The following LGR5 variants were observed in gnomAD, a reference collection of about 807,000 sequenced individuals.
LGR5 encodes the protein leucine-rich repeat-containing G protein-coupled receptor 5.
A neutral mutation model predicts 76.7 loss-of-function variants in LGR5; 54 were observed. The ratio of observed to expected loss-of-function variants is 0.70; its 90% CI spans 0.57 to 0.88. The LOEUF (loss-of-function observed/expected upper bound fraction) is 0.88. Among genes scored for constraint, LGR5 ranks in the 40% least tolerant of loss-of-function variants. The pLI is 0.00. For missense variants in LGR5, 1,078 were observed against 1,073.3 expected, an observed-to-expected ratio of 1.00 and a Z score of -0.06; for synonymous variants, 406 against 421.9, an observed-to-expected ratio of 0.96 and a Z score of 0.46.
chr12:71,450,639 T>C (rs982136857), intron 1 of LGR5, among the ~76,000 whole-genome samples: 4 of 152,164 alleles, frequency 2.6e-5, no homozygotes, highest in Non-Finnish European at 4.4e-5. Context: ...ATGTGATTAT[T>C]GTAATTAAAA....
chr12:71,507,346 G>A (rs1010297550), intron 2 of LGR5, among the ~76,000 whole-genome samples: 3 of 152,060 alleles, frequency 2.0e-5, no homozygotes, highest in Non-Finnish European at 4.4e-5. Context: ...CTAGCACTGT[G>A]ATTTCACAGT....
intron 13 of LGR5, among the ~76,000 whole-genome samples, chr12:71,574,301 CAAA>C (rs1726461): frequency 2.0e-5 from 1 of 50,232 alleles, no homozygotes; most frequent in Non-Finnish European, 3.3e-5. Context: ...GACTCTGTCT[CAAA>C]AAAAAAAAAA....
Position 71,556,643 on chromosome 12 carries a change from C to T in LGR5, c.669C>T (p.His223=), listed in dbSNP as rs1464617688. 1.2e-6 allele frequency: 2 copies of T among 1,612,172 alleles called. No individual in the cohort carries two copies. The highest frequency in any genetic ancestry group is 1.7e-6 in the Non-Finnish European group (2 of 1,178,342). Reference sequence around the variant, plus strand: ...GACATCTCCATAACAATAGAATCCACTCCCTGGGAAAGAAATGCTTTGATG... The same window carrying T: ...GACATCTCCATAACAATAGAATCCATTCCCTGGGAAAGAAATGCTTTGATG... ...VVLHLHNNRI[H]SLGKKCFDGL... Residue 223 remains histidine, a synonymous_variant, in exon 6 of 18, where the codon CAC becomes CAT. Transcript: ENST00000266674.
intron 13 of LGR5, among the ~76,000 whole-genome samples, chr12:71,575,768 A>C (rs958685125): frequency 6.7e-6 from 1 of 149,620 alleles, no homozygotes; most frequent in African/African-American, 2.5e-5. Context: ...GTATCATTCT[A>C]TTATAAAGAT....
intron 2 of LGR5, 37 bp from the exon 3 acceptor site, chr12:71,524,369 T>TA (rs1261467054): frequency 6.9e-7 from 1 of 1,443,156 alleles, no homozygotes; most frequent in Admixed American, 1.7e-5. Context: ...CATGAAGAGG[T>TA]ATGCTCACTC....
At chr12:71,487,435 G>T (rs959050412) in intron 1 of LGR5, among the ~76,000 whole-genome samples, 1 of 152,136 alleles carries the variant, frequency 6.6e-6, no homozygotes, top group African/African-American at 2.4e-5. Context: ...TTTGTTTAGA[G>T]ACAGGGTCTC....
intron 1 of LGR5, among the ~76,000 whole-genome samples, chr12:71,497,287 C>T (rs547072530): frequency 1.3e-5 from 2 of 151,040 alleles, no homozygotes; most frequent in East Asian, 3.9e-4. Flanking sequence ...TGCACTCCAG[C>T]CTGGGTGACA....
At chr12:71,508,443 C>A (rs1038524486) in intron 2 of LGR5, among the ~76,000 whole-genome samples, 2 of 152,024 alleles carry the variant, frequency 1.3e-5, no homozygotes, top group Non-Finnish European at 2.9e-5. Context: ...GAGATATACA[C>A]TGACTTAATG....
rs1181131639 is a variant in LGR5 at position 71,498,684 on chromosome 12, T to C, written c.213-5930T>C. ...CACTTTAGGGATTCAGGGTTTAGCA[T>C]ATGAATTTGGGGGAACACAAACCTT... On this transcript the variant is annotated intron_variant, in intron 1 of 17. Transcript: ENST00000266674. Among the ~76,000 whole-genome samples, 3 of 152,182 alleles carry C rather than the reference T, an allele frequency of 2.0e-5. No individual in the cohort carries two copies. The East Asian group carries it at 5.8e-4, about 29-fold the overall frequency.
At chr12:71,477,769 G>T (rs1175039166) in intron 1 of LGR5, among the ~76,000 whole-genome samples, 1 of 152,136 alleles carries the variant, frequency 6.6e-6, no homozygotes, top group Non-Finnish European at 1.5e-5. Context: ...CACACAAGCT[G>T]TGCATGCCCC....
chr12:71,516,035 T>C (rs981312756), intron 2 of LGR5, among the ~76,000 whole-genome samples: 20 of 152,144 alleles, frequency 1.3e-4, no homozygotes, highest in African/African-American at 4.8e-4. Context: ...TGATATAAAT[T>C]ATGAGAGAGT....
Position 71,583,692 on chromosome 12 carries a change from G to C in LGR5, c.1682G>C (p.Arg561Thr). The C allele has an allele frequency of 6.2e-7, 1 of 1,614,182 alleles. No homozygotes were observed. The highest frequency in any genetic ancestry group is 8.5e-7 in the Non-Finnish European group (1 of 1,180,002). Residue 561 changes from arginine (R) to threonine (T), a missense_variant, in exon 18 of 18, where the codon AGA (arginine) becomes ACA (threonine). By Grantham distance (71) the Arg-to-Thr change is moderately conservative. Transcript: ENST00000266674. ...CEHLLDGWLI[R>T]IGVWTIAVLA... ...CACCTGCTTGATGGCTGGCTGATCA[G>C]AATTGGAGTGTGGACCATAGCAGTT...
rs3070150 is a variant in LGR5, at chr12:71,544,259, C to CT, written c.429-8802dup. Among the ~76,000 whole-genome samples the CT allele has an allele frequency of 2.8e-3, 145 of 52,410 alleles. 1 individual carries two copies. The highest frequency in any genetic ancestry group is 5.7e-3 in the African/African-American group (106 of 18,478). 34.4% of individuals were successfully genotyped at this position (52,410 alleles called of 152,430 possible). The stretch of plus-strand genomic sequence containing the variant: ...CCTGGAGAGGGAGAAAGGGGAAATT[C>CT]TTTTTTTTTTTTCTTTGTCTTTTTT... On this transcript the variant is annotated intron_variant, in intron 4 of 17. Coordinates refer to ENST00000266674, the MANE Select transcript of LGR5 (RefSeq NM_003667.4).
At chr12:71,560,105 C>T (rs896070600) in intron 7 of LGR5, among the ~76,000 whole-genome samples, 2 of 152,174 alleles carry the variant, frequency 1.3e-5, no homozygotes, top group African/African-American at 4.8e-5. Flanking sequence ...ACATACATTG[C>T]AGCTGACCCT....
chr12:71,537,839 C>T (rs1436392261), intron 4 of LGR5, among the ~76,000 whole-genome samples: 2 of 152,196 alleles, frequency 1.3e-5, no homozygotes, highest in Non-Finnish European at 2.9e-5. Flanking sequence ...CTCATCCACA[C>T]TGCCAATGCC....
intron 1 of LGR5, among the ~76,000 whole-genome samples, chr12:71,445,032 G>T (rs915164632): frequency 6.6e-6 from 1 of 152,070 alleles, no homozygotes; most frequent in Non-Finnish European, 1.5e-5. Flanking sequence ...TAAATCACAG[G>T]CCATAAGACA....
At chr12:71,579,024 C>G in intron 15 of LGR5, 95 bp downstream of exon 15, 1 of 1,183,878 alleles carries the variant, frequency 8.4e-7, no homozygotes, top group Non-Finnish European at 1.2e-6. Flanking sequence ...GGTCGTGAGA[C>G]ACTTTTGAAT....
rs539604550 is a variant in LGR5, at chr12:71,440,460, G to C, written c.212+168G>C. 2.6e-5 allele frequency among the ~76,000 whole-genome samples: 4 copies of C among 152,334 alleles called. No individual in the cohort carries two copies. The highest frequency in any genetic ancestry group is 9.6e-5 in the African/African-American group (4 of 41,584). On this transcript the variant is annotated intron_variant, in intron 1 of 17. Transcript: ENST00000266674. The surrounding 1 kb of genome is among the most constrained non-coding windows in gnomAD (Gnocchi z 5.3). ...TTAGGGCCCCCAGAGAAATGCACGT[G>C]TCTCGGGGAGTAGCGTGCCGGCACT...
At chr12:71,549,556 A>G (rs188820919) in intron 4 of LGR5, among the ~76,000 whole-genome samples, 42 of 152,342 alleles carry the variant, frequency 2.8e-4, no homozygotes, top group African/African-American at 9.4e-4. Flanking sequence ...ATTGTACACC[A>G]TAAATATATG....
Sources: gnomAD v4.1 joint callset for allele counts (sites outside exome capture counted in the v4.1 genomes callset) on GRCh38, gnomAD v4.1.1 for gene constraint, Gnocchi (gnomAD v3.1) non-coding constraint, MANE v1.5 for transcripts, NCBI Gene and HGNC (gene_info 2026-07-23, HGNC 2026-07-21) for gene names.